SCGB2B2: variants seen among roughly 807,000 people sequenced by gnomAD.
SCGB2B2 encodes secretoglobin-like protein.
Under a neutral mutation model 7.6 loss-of-function variants are expected in SCGB2B2, and 11 were observed. The observed-to-expected ratio is 1.45, with a 90% CI of 0.91 to 2.40. The LOEUF is 2.40. SCGB2B2 is among the 30% of genes most tolerant of loss of function. SCGB2B2 has a pLI of 0.00. For missense variants in SCGB2B2, 104 were observed against 115.4 expected (o/e 0.90, Z 0.45); for synonymous variants, 50 against 48.6 (o/e 1.03, Z -0.12).
Position 34,593,306 on chromosome 19 carries a change from G to C in SCGB2B2, c.*249C>G. On this transcript the variant is annotated 3_prime_UTR_variant, in exon 4 of 4. Coordinates refer to ENST00000601241, the MANE Select transcript of SCGB2B2 (RefSeq NM_001025591.4). ...ATGCACTCCAGCCACCCTCCTCCCC[G>C]CCAAAAAGAAAACAGGCATGTCTAT... The C allele has an allele frequency of 2.4e-6, 1 of 418,926 alleles. No individual in the cohort carries two copies. Among genetic ancestry groups the C allele is most frequent in the Non-Finnish European group, 4.3e-6 (1 of 232,810 alleles). 26.0% of individuals were successfully genotyped at this position (418,926 alleles called of 1,614,324 possible). A position where few individuals can be genotyped will look rare whatever the true frequency, so the allele number is the denominator to read the frequency against.
intron 1 of SCGB2B2, among the ~76,000 whole-genome samples, chr19:34,625,391 G>A (rs566761283): frequency 3.9e-5 from 6 of 152,306 alleles, no homozygotes; most frequent in East Asian, 1.9e-4. Context: ...GGTGACAGAC[G>A]GCACATGGAA....
chr19:34,648,716 T>TC (rs1448459863), intron 1 of SCGB2B2, among the ~76,000 whole-genome samples: 11 of 151,386 alleles, frequency 7.3e-5, no homozygotes, highest in Admixed American at 7.2e-4. Flanking sequence ...TTTCCTTTTT[T>TC]CCACAGTTTT....
rs527491412 is a variant in SCGB2B2 at position 34,595,114 on chromosome 19, A to C, written c.-551T>G. 9.5e-5 allele frequency: 15 copies of C among 158,588 alleles called. No individual in the cohort carries two copies. The highest frequency in any genetic ancestry group is 3.6e-4 in the African/African-American group (15 of 41,676). The allele number at this position is 158,588 out of a possible 1,614,324, so 9.8% of individuals were successfully genotyped here. On this transcript the variant is annotated 5_prime_UTR_variant, in exon 2 of 4. Coordinates refer to ENST00000601241, the MANE Select transcript of SCGB2B2 (RefSeq NM_001025591.4). ...TAAAACACAGAACCTAAAGGACATG[A>C]GATGTAGCAAGTGTGTTAGGGACAC...
At chr19:34,640,579 G>GA (rs902975063) in intron 1 of SCGB2B2, 3 of 152,146 alleles carry the variant, frequency 2.0e-5, no homozygotes, top group African/African-American at 7.2e-5. Context: ...AATAGATGAA[G>GA]AAAAAAAATT....
In SCGB2B2 at chr19:34,597,259, C is replaced by A. The variant is rs1490780638; in HGVS notation, c.-2031-665G>T. The stretch of plus-strand genomic sequence containing the variant: ...CACTGCAGGTTACAGGACTGCCCCA[C>A]AAGAGCCACCATGCCCACCTGAGGT... On this transcript the variant is annotated intron_variant, in intron 1 of 3. Coordinates refer to ENST00000601241, the MANE Select transcript of SCGB2B2 (RefSeq NM_001025591.4). Among the ~76,000 whole-genome samples the A allele has an allele frequency of 3.3e-5, 5 of 152,170 alleles. No homozygotes were observed. In the East Asian group the frequency reaches 9.7e-4, roughly 30 times the overall value.
rs1386998014 is a variant in SCGB2B2 at position 34,596,177 on chromosome 19, C to A, written c.-1614G>T. On this transcript the variant is annotated 5_prime_UTR_variant, in exon 2 of 4. Coordinates refer to ENST00000601241, the MANE Select transcript of SCGB2B2 (RefSeq NM_001025591.4). ...GTCACCAGTGGCAGGGCCCTGAACG[C>A]CCCCACATTCCAGTTGTAAAGTTGA... The A allele has an allele frequency of 6.6e-6, 1 of 152,292 alleles. No individual in the cohort carries two copies. Among genetic ancestry groups the A allele is most frequent in the Non-Finnish European group, 1.5e-5 (1 of 68,098 alleles). 9.4% of individuals were successfully genotyped at this position (152,292 alleles called of 1,614,324 possible). A position where few individuals can be genotyped will look rare whatever the true frequency, so the allele number is the denominator to read the frequency against.
At chr19:34,629,111 G>T (rs1364724683) in intron 1 of SCGB2B2, among the ~76,000 whole-genome samples, 1 of 151,698 alleles carries the variant, frequency 6.6e-6, no homozygotes, top group Non-Finnish European at 1.5e-5. Context: ...GTATTGATGG[G>T]ATGTATCTCA....
At chr19:34,589,317 G>A (rs568513134), downstream of SCGB2B2, among the ~76,000 whole-genome samples, 45 of 152,130 alleles carry the variant, frequency 3.0e-4, no homozygotes, top group African/African-American at 1.0e-3. Context: ...ATGGCTCAAC[G>A]GCCTGTCTTC....
At chr19:34,599,909 T>C (rs547351433) in intron 1 of SCGB2B2, among the ~76,000 whole-genome samples, 1 of 152,334 alleles carries the variant, frequency 6.6e-6, no homozygotes, top group South Asian at 2.1e-4. Flanking sequence ...ACACACCATG[T>C]AAAGTGTATC....
chr19:34,634,228 A>C (rs542479869), intron 1 of SCGB2B2, among the ~76,000 whole-genome samples: 1 of 152,298 alleles, frequency 6.6e-6, no homozygotes, highest in African/African-American at 2.4e-5. Flanking sequence ...TCTATGAATC[A>C]CATGCAGTAT....
chr19:34,618,529 A>G (rs1290224222), intron 1 of SCGB2B2, among the ~76,000 whole-genome samples: 2 of 152,192 alleles, frequency 1.3e-5, no homozygotes, highest in East Asian at 1.9e-4. Flanking sequence ...ATGCTTCACA[A>G]ATTCTTCACA....
intron 1 of SCGB2B2, among the ~76,000 whole-genome samples, chr19:34,674,621 A>G (rs2067877692): frequency 6.6e-6 from 1 of 152,214 alleles, no homozygotes; most frequent in African/African-American, 2.4e-5. Context: ...AATCACAGAG[A>G]ATTTAAGACA....
At position 34,593,293 on chromosome 19, in the gene SCGB2B2, C is replaced by T. The variant is rs139133134; in HGVS notation, c.*262G>A. 7.3e-6 allele frequency: 3 copies of T among 409,712 alleles called. No individual in the cohort carries two copies. The highest frequency in any genetic ancestry group is 4.0e-5 in the African/African-American group (2 of 49,488). The allele number at this position is 409,712 out of a possible 1,614,324, so 25.4% of individuals were successfully genotyped here. ...CAAGATCGCGCCAATGCACTCCAGC[C>T]ACCCTCCTCCCCGCCAAAAAGAAAA... On this transcript the variant is annotated 3_prime_UTR_variant, in exon 4 of 4. Coordinates refer to ENST00000601241, the MANE Select transcript of SCGB2B2 (RefSeq NM_001025591.4).
chr19:34,613,993 G>A (rs1173961066), intron 1 of SCGB2B2, among the ~76,000 whole-genome samples: 1 of 152,026 alleles, frequency 6.6e-6, no homozygotes, highest in Non-Finnish European at 1.5e-5. Flanking sequence ...AATTGCTATT[G>A]GTCTACTGGC....
chr19:34,669,074 T>C (rs1174128196), intron 1 of SCGB2B2, among the ~76,000 whole-genome samples: 1 of 152,072 alleles, frequency 6.6e-6, no homozygotes, highest in Admixed American at 6.5e-5. Context: ...ACCATGAAAG[T>C]CTGCAGCTTC....
At position 34,594,951 on chromosome 19, in the gene SCGB2B2, A is replaced by G. The variant is rs1387265168; in HGVS notation, c.-388T>C. ...CGTGTGTCTGCACTTGGCACGCCCTAGCACAGAATCTGCCACTGAGTGCTG... is the reference window on the plus strand; with the variant it reads ...CGTGTGTCTGCACTTGGCACGCCCTGGCACAGAATCTGCCACTGAGTGCTG... On this transcript the variant is annotated 5_prime_UTR_variant, in exon 2 of 4. Coordinates refer to ENST00000601241, the MANE Select transcript of SCGB2B2 (RefSeq NM_001025591.4). 7.8e-6 allele frequency: 2 copies of G among 256,590 alleles called. No individual in the cohort carries two copies. The highest frequency in any genetic ancestry group is 1.5e-5 in the Non-Finnish European group (2 of 130,230). The allele number at this position is 256,590 out of a possible 1,614,324, so 15.9% of individuals were successfully genotyped here.
intron 1 of SCGB2B2, among the ~76,000 whole-genome samples, chr19:34,616,577 G>T: frequency 7.1e-6 from 1 of 140,034 alleles, no homozygotes. Context: ...TGTAGATTCT[G>T]GATATTAGCC....
intron 1 of SCGB2B2, among the ~76,000 whole-genome samples, chr19:34,614,338 T>G (rs1012708547): frequency 6.6e-6 from 1 of 152,182 alleles, no homozygotes; most frequent in Non-Finnish European, 1.5e-5. Context: ...TTGGGTAATT[T>G]TAAGTGACCT....
intron 1 of SCGB2B2, among the ~76,000 whole-genome samples, chr19:34,601,864 T>C (rs1013973057): frequency 3.3e-5 from 5 of 152,200 alleles, no homozygotes; most frequent in African/African-American, 9.6e-5. Flanking sequence ...CTTTTTTGTT[T>C]AGTATCTGAA....
Sources: allele counts gnomAD v4.1 joint callset (sites outside exome capture counted in the v4.1 genomes callset), GRCh38; gene constraint gnomAD v4.1.1; transcripts MANE v1.5; gene names NCBI Gene and HGNC (gene_info 2026-07-23, HGNC 2026-07-21).